Variants in SLC14A2 observed in about 807,000 individuals in gnomAD.
SLC14A2 encodes the protein urea transporter 2.
Under a neutral mutation model 104.6 loss-of-function variants are expected in SLC14A2, and 91 were observed. The ratio of observed to expected loss-of-function variants is 0.87; its 90% CI spans 0.73 to 1.04. SLC14A2 has a LOEUF of 1.04. Ranked by LOEUF, SLC14A2 falls within the 50% of genes least tolerant of loss-of-function variation. SLC14A2 has a pLI of 0.00. For missense variants in SLC14A2, 1,189 were observed against 1,156.0 expected, an observed-to-expected ratio of 1.03 and a Z score of -0.41; for synonymous variants, 476 against 466.4, an observed-to-expected ratio of 1.02 and a Z score of -0.27.
rs1172271684 is a variant in SLC14A2, at chr18:45,593,486, C to CTTTTTTT, written c.-34-31130_-34-31124dup. Among the ~76,000 whole-genome samples the CTTTTTTT allele has an allele frequency of 3.4e-4, 30 of 88,794 alleles. 2 individuals carry two copies. The highest frequency in any genetic ancestry group is 1.2e-3 in the African/African-American group (25 of 21,394). 58.3% of individuals were successfully genotyped at this position (88,794 alleles called of 152,430 possible). A position where few individuals can be genotyped will look rare whatever the true frequency, so the allele number is the denominator to read the frequency against. On this transcript the variant is annotated intron_variant, in intron 2 of 20. Coordinates refer to the SLC14A2 transcript ENST00000586448. Reference sequence around the variant, plus strand: ...TATGATAACTAAGCATTTCCTTAATCTTTTTTTTTTTTTTTTTTTTTGAGA... The same window carrying CTTTTTTT: ...TATGATAACTAAGCATTTCCTTAATCTTTTTTTTTTTTTTTTTTTTTTTTTTTTGAGA...
intron 1 of SLC14A2, chr18:45,423,842 C>G (rs960982039): frequency 1.3e-5 from 2 of 152,200 alleles, no homozygotes; most frequent in African/African-American, 4.8e-5. Flanking sequence ...CTCATCTCAT[C>G]CCCAGTGCTG....
chr18:45,590,440 T>C (rs1408078977), intron 2 of SLC14A2, among the ~76,000 whole-genome samples: 1 of 152,190 alleles, frequency 6.6e-6, no homozygotes, highest in African/African-American at 2.4e-5. Context: ...CGTAAAACTA[T>C]TGCATGTTTA....
chr18:45,362,565 T>A (rs2085623100), intron 1 of SLC14A2, among the ~76,000 whole-genome samples: 1 of 152,084 alleles, frequency 6.6e-6, no homozygotes, highest in African/African-American at 2.4e-5. Context: ...CACAACTAGA[T>A]GGTGGATGTA....
chr18:45,380,228 A>G (rs1437953758), intron 1 of SLC14A2, among the ~76,000 whole-genome samples: 1 of 152,174 alleles, frequency 6.6e-6, no homozygotes, highest in African/African-American at 2.4e-5. Context: ...AACCATTACT[A>G]ATTGTGTGAC....
intron 1 of SLC14A2, among the ~76,000 whole-genome samples, chr18:45,285,519 G>A (rs548829947): frequency 4.6e-5 from 7 of 152,236 alleles, no homozygotes; most frequent in Admixed American, 1.3e-4. Context: ...CCAGGTTGGA[G>A]CAATTCTCCT....
At chr18:45,416,969 G>A (rs147175503) in intron 1 of SLC14A2, among the ~76,000 whole-genome samples, 3 of 152,186 alleles carry the variant, frequency 2.0e-5, no homozygotes, top group Non-Finnish European at 2.9e-5. Context: ...TATGGAGCAC[G>A]TGTGTGTACA....
intron 2 of SLC14A2, among the ~76,000 whole-genome samples, chr18:45,512,082 A>T (rs1473133873): frequency 6.6e-6 from 1 of 152,196 alleles, no homozygotes; most frequent in Non-Finnish European, 1.5e-5. Flanking sequence ...TCCAAGCCCA[A>T]ATTGGAATAA....
chr18:45,485,341 A>T (rs1347046311), intron 2 of SLC14A2: 2 of 152,244 alleles, frequency 1.3e-5, no homozygotes, highest in Non-Finnish European at 2.9e-5. Context: ...CTCATTGTTC[A>T]AATGAGTTGG....
chr18:45,186,214 A>G, the SLC14A2 span, among the ~76,000 whole-genome samples: 2 of 152,240 alleles, frequency 1.3e-5, no homozygotes, highest in Non-Finnish European at 2.9e-5. Context: ...TGTGATTTCA[A>G]AACTCATTAT....
chr18:45,418,743 G>A (rs947560680), intron 1 of SLC14A2, among the ~76,000 whole-genome samples: 5 of 152,194 alleles, frequency 3.3e-5, no homozygotes, highest in African/African-American at 1.2e-4. Flanking sequence ...ACTGGGGTGA[G>A]AAGGACGAAC....
intron 2 of SLC14A2, among the ~76,000 whole-genome samples, chr18:45,585,932 G>A (rs1023323879): frequency 6.6e-6 from 1 of 152,156 alleles, no homozygotes; most frequent in Admixed American, 6.5e-5. Flanking sequence ...ATGCCACCTC[G>A]CACTGGGAAA....
intron 1 of SLC14A2, among the ~76,000 whole-genome samples, chr18:45,425,519 T>C (rs2086412136): frequency 6.6e-6 from 1 of 152,124 alleles, no homozygotes; most frequent in African/African-American, 2.4e-5. Flanking sequence ...TGCCAGTACA[T>C]CAGTGGCACA....
chr18:45,243,788 C>T (rs567464352), intron 1 of SLC14A2, among the ~76,000 whole-genome samples: 1 of 152,162 alleles, frequency 6.6e-6, no homozygotes, highest in Non-Finnish European at 1.5e-5. Context: ...CATCACAGTT[C>T]TGTTGGCATC....
chr18:45,667,785 C>A (rs775859390), intron 13 of SLC14A2, 48 bp from the exon 14 acceptor site: 8 of 1,522,884 alleles, frequency 5.3e-6, no homozygotes, highest in Admixed American at 1.7e-5. Flanking sequence ...CCACCCAGGG[C>A]TGCCCACACT....
At chr18:45,364,270 G>T (rs2085644877) in intron 1 of SLC14A2, among the ~76,000 whole-genome samples, 1 of 152,118 alleles carries the variant, frequency 6.6e-6, no homozygotes, top group African/African-American at 2.4e-5. Flanking sequence ...TGCTTAGAAG[G>T]CAATTAATAA....
Position 45,396,266 on chromosome 18 carries a change from T to G in SLC14A2, c.-124-86967T>G, listed in dbSNP as rs553075898. ...AATAGCTAGTCTTCCCAGATCTGTGTGATCCCACAATCCTTTCTATGACTT... is the reference window on the plus strand; with the variant it reads ...AATAGCTAGTCTTCCCAGATCTGTGGGATCCCACAATCCTTTCTATGACTT... On this transcript the variant is annotated intron_variant, in intron 1 of 20. Transcript: ENST00000586448. 1.1e-4 allele frequency among the ~76,000 whole-genome samples: 17 copies of G among 152,308 alleles called. No homozygotes were observed. The South Asian group carries it at 3.3e-3, about 30-fold the overall frequency.
At chr18:45,250,755 CTTTT>C (rs67864793) in intron 1 of SLC14A2, among the ~76,000 whole-genome samples, 6 of 93,880 alleles carry the variant, frequency 6.4e-5, no homozygotes, top group African/African-American at 1.3e-4. Flanking sequence ...TGGCTTCTTC[CTTTT>C]TTTTTTTTTT....
intron 2 of SLC14A2, among the ~76,000 whole-genome samples, chr18:45,559,578 G>T (rs1451396702): frequency 6.6e-6 from 1 of 152,106 alleles, no homozygotes; most frequent in African/African-American, 2.4e-5. Flanking sequence ...TGGGAAATTA[G>T]GTGTCTCAGG....
intron 1 of SLC14A2, among the ~76,000 whole-genome samples, chr18:45,475,194 G>A (rs2087335265): frequency 6.6e-6 from 1 of 152,196 alleles, no homozygotes; most frequent in Non-Finnish European, 1.5e-5. Flanking sequence ...AGTTCTGAGT[G>A]AGTTTCTTAA....
Sources: gnomAD v4.1 joint callset for allele counts (sites outside exome capture counted in the v4.1 genomes callset) on GRCh38, gnomAD v4.1.1 for gene constraint, MANE v1.5 for transcripts, NCBI Gene and HGNC (gene_info 2026-07-23, HGNC 2026-07-21) for gene names.